GRM5: variants seen among roughly 807,000 people sequenced by gnomAD.
The protein encoded by GRM5 is metabotropic glutamate receptor 5.
GRM5 carries 19 observed loss-of-function variants against 83.1 expected under a neutral mutation model. The ratio of observed to expected loss-of-function variants is 0.23; its 90% CI spans 0.16 to 0.34. The LOEUF (loss-of-function observed/expected upper bound fraction) is 0.34. GRM5 is among the 10% of genes least tolerant of loss of function. The pLI is 1.00. For synonymous variants in GRM5, 675 were observed against 633.6 expected (o/e 1.07, Z -0.98); for missense variants, 1,160 against 1,588.3 (o/e 0.73, Z 4.58).
At chr11:88,609,859 GT>G (rs1257315879) in intron 4 of GRM5, among the ~76,000 whole-genome samples, 1 of 152,150 alleles carries the variant, frequency 6.6e-6, no homozygotes, top group Non-Finnish European at 1.5e-5. Flanking sequence ...GGTTTTTATA[GT>G]TTTAGCTCTT....
chr11:88,762,600 C>G (rs1942546370), intron 3 of GRM5, among the ~76,000 whole-genome samples: 1 of 151,952 alleles, frequency 6.6e-6, no homozygotes, highest in East Asian at 1.9e-4. Flanking sequence ...ACTAGTTCAA[C>G]TATTGTGGAA....
chr11:88,861,212 T>C (rs552952571), intron 2 of GRM5, among the ~76,000 whole-genome samples: 1 of 152,294 alleles, frequency 6.6e-6, no homozygotes, highest in South Asian at 2.1e-4. Flanking sequence ...GGATATTTAA[T>C]GGCATCCAAA....
intron 3 of GRM5, among the ~76,000 whole-genome samples, chr11:88,838,859 C>A (rs950550739): frequency 7.2e-6 from 1 of 138,648 alleles, no homozygotes; most frequent in African/African-American, 2.7e-5. Flanking sequence ...ACTGCCACAC[C>A]CCTTATGCTA....
intron 4 of GRM5, among the ~76,000 whole-genome samples, chr11:88,650,582 A>T (rs539890101): frequency 5.3e-4 from 80 of 152,152 alleles, no homozygotes; most frequent in Non-Finnish European, 9.0e-4. Flanking sequence ...CTCATACATG[A>T]TAGGGAAGAA....
At chr11:88,775,293 T>G (rs1942823388) in intron 3 of GRM5, among the ~76,000 whole-genome samples, 2 of 70,268 alleles carry the variant, frequency 2.8e-5, no homozygotes, top group African/African-American at 1.1e-4. Flanking sequence ...GATATCCCCT[T>G]TATCATTTTT....
chr11:88,979,679 G>C (rs1422419608), intron 2 of GRM5, among the ~76,000 whole-genome samples: 1 of 152,002 alleles, frequency 6.6e-6, no homozygotes, highest in Non-Finnish European at 1.5e-5. Flanking sequence ...TTCTGGTTCT[G>C]ACTTTCTCTG....
At chr11:88,869,823 G>T (rs550757973) in intron 2 of GRM5, among the ~76,000 whole-genome samples, 1 of 151,590 alleles carries the variant, frequency 6.6e-6, no homozygotes, top group South Asian at 2.1e-4. Flanking sequence ...TAAAAAAGAG[G>T]GGAAATTAAT....
chr11:88,624,593 G>C (rs80157456), intron 4 of GRM5, among the ~76,000 whole-genome samples: 3 of 152,220 alleles, frequency 2.0e-5, no homozygotes, highest in East Asian at 3.9e-4. Context: ...AAGACGGGAG[G>C]ATCTCTTGAG....
intron 2 of GRM5, among the ~76,000 whole-genome samples, chr11:88,945,806 C>T (rs1233463789): frequency 6.6e-6 from 1 of 151,908 alleles, no homozygotes; most frequent in Non-Finnish European, 1.5e-5. Flanking sequence ...TAGAACAAAC[C>T]GTTCTGGACA....
At chr11:88,800,143 C>T (rs566987790) in intron 3 of GRM5, among the ~76,000 whole-genome samples, 25 of 152,148 alleles carry the variant, frequency 1.6e-4, no homozygotes, top group Middle Eastern at 3.4e-3. Flanking sequence ...AGGGAATTTA[C>T]CTATCATTTA....
chr11:88,808,826 C>T (rs902181754), intron 3 of GRM5, among the ~76,000 whole-genome samples: 3 of 151,924 alleles, frequency 2.0e-5, no homozygotes, highest in Admixed American at 1.3e-4. Flanking sequence ...TAATGTACCT[C>T]GAAATATGAT....
At chr11:88,644,467 A>G (rs1231965736) in intron 4 of GRM5, among the ~76,000 whole-genome samples, 1 of 152,192 alleles carries the variant, frequency 6.6e-6, no homozygotes, top group African/African-American at 2.4e-5. Flanking sequence ...AATTTAATGG[A>G]GAAAGATGAA....
chr11:88,800,269 G>T (rs2135485429), intron 3 of GRM5, among the ~76,000 whole-genome samples: 1 of 152,040 alleles, frequency 6.6e-6, no homozygotes, highest in South Asian at 2.1e-4. Context: ...CTAACCTACT[G>T]CAGTTCTTAT....
In GRM5 at chr11:88,733,133, G is replaced by A. The variant is rs542805110; in HGVS notation, c.912-79730C>T. The stretch of plus-strand genomic sequence containing the variant: ...ATAGAACTCTACCTTGTACTATAAC[G>A]TGTAGTTTCTCTGAGTATTGATGCA... On this transcript the variant is annotated intron_variant, in intron 3 of 9. Transcript: ENST00000305447. Among the ~76,000 whole-genome samples, 19 of 151,916 alleles carry A rather than the reference G, an allele frequency of 1.3e-4. 1 individual carries two copies. Among genetic ancestry groups the A allele is most frequent in the South Asian group, 6.2e-4 (3 of 4,812 alleles).
chr11:88,773,317 ATTTG>A (rs1467782495), intron 3 of GRM5, among the ~76,000 whole-genome samples: 2 of 151,770 alleles, frequency 1.3e-5, no homozygotes, highest in Non-Finnish European at 2.9e-5. Flanking sequence ...TTTCTTGTAA[ATTTG>A]TTTGAGTTCT....
At chr11:89,002,404 G>C (rs562457670) in intron 2 of GRM5, among the ~76,000 whole-genome samples, 1 of 152,136 alleles carries the variant, frequency 6.6e-6, no homozygotes, top group East Asian at 1.9e-4. Flanking sequence ...TGGGAGCTCT[G>C]GCTTCCTAAA....
chr11:88,603,198 C>T (rs1210169234), intron 5 of GRM5, among the ~76,000 whole-genome samples: 1 of 152,174 alleles, frequency 6.6e-6, no homozygotes, highest in African/African-American at 2.4e-5. Context: ...AATAAGGTAG[C>T]GATGTTCTGC....
chr11:88,591,242 A>C (rs1435285836), intron 6 of GRM5, among the ~76,000 whole-genome samples: 1 of 152,234 alleles, frequency 6.6e-6, no homozygotes, highest in Admixed American at 6.5e-5. Flanking sequence ...ACATAGCAAA[A>C]GATTAAGATT....
At chr11:88,847,309 T>A (rs770884588) in intron 3 of GRM5, among the ~76,000 whole-genome samples, 2 of 152,206 alleles carry the variant, frequency 1.3e-5, no homozygotes, top group Non-Finnish European at 2.9e-5. Flanking sequence ...GTTTTTTTGC[T>A]CATTGATTTA....
Sources: gnomAD v4.1 joint callset for allele counts (sites outside exome capture counted in the v4.1 genomes callset) on GRCh38, gnomAD v4.1.1 for gene constraint, MANE v1.5 for transcripts, NCBI Gene and HGNC (gene_info 2026-07-23, HGNC 2026-07-21) for gene names.